KIAA1328: variants seen among roughly 807,000 people sequenced by gnomAD.
KIAA1328 encodes protein hinderin.
A neutral mutation model predicts 68.1 loss-of-function variants in KIAA1328; 52 were observed. That is an observed-to-expected ratio of 0.76 (90% CI 0.61 to 0.96). The LOEUF (loss-of-function observed/expected upper bound fraction) is 0.96, where lower values mean the gene tolerates loss of function less well. Among genes scored for constraint, KIAA1328 ranks in the 40% least tolerant of loss-of-function variants. The pLI, the probability that KIAA1328 is intolerant of heterozygous loss-of-function variation, is 0.00. For missense variants in KIAA1328, 641 were observed against 677.6 expected (o/e 0.95, Z 0.60); for synonymous variants, 232 against 239.4 (o/e 0.97, Z 0.28).
At chr18:36,949,597 T>TCCCCCCCCCC (rs71168248) in intron 5 of KIAA1328, among the ~76,000 whole-genome samples, 92 of 57,324 alleles carry the variant, frequency 1.6e-3, no homozygotes, top group African/African-American at 2.5e-3. Context: ...TCTACCCAGC[T>TCCCCCCCCCC]CCCCCCCCCC....
At chr18:36,891,411 A>G (rs1399213486) in intron 5 of KIAA1328, among the ~76,000 whole-genome samples, 1 of 152,216 alleles carries the variant, frequency 6.6e-6, no homozygotes, top group East Asian at 1.9e-4. Flanking sequence ...TCACTGGAGC[A>G]GTGTACATTG....
At chr18:36,849,513 TA>T (rs1463939658) in intron 4 of KIAA1328, among the ~76,000 whole-genome samples, 3 of 152,060 alleles carry the variant, frequency 2.0e-5, no homozygotes, top group African/African-American at 4.8e-5. Flanking sequence ...ACTGGAATTA[TA>T]GAATATGGGG....
At chr18:37,177,720 A>C (rs910555161) in intron 9 of KIAA1328, among the ~76,000 whole-genome samples, 12 of 150,928 alleles carry the variant, frequency 8.0e-5, no homozygotes, top group African/African-American at 2.9e-4. Flanking sequence ...TGGTGGGGAG[A>C]GGTGTTGATT....
Position 36,994,894 on chromosome 18 carries a change from G to T in KIAA1328, c.576+35459G>T, listed in dbSNP as rs566586444. On this transcript the variant is annotated intron_variant, in intron 6 of 9. Transcript: ENST00000280020. ...AGCAGTTAGCCTACTTGTGAATTAG[G>T]TTTCTGATTTGTTCATGCTAAATCA... is the stretch of plus-strand genomic sequence containing the variant. Among the ~76,000 whole-genome samples, 6 of 151,894 alleles carry T rather than the reference G, an allele frequency of 4.0e-5. No homozygotes were observed. The South Asian group carries it at 8.3e-4, about 21-fold the overall frequency.
intron 7 of KIAA1328, chr18:37,075,660 A>T (rs1372468129): frequency 1.3e-5 from 2 of 152,186 alleles, no homozygotes; most frequent in Non-Finnish European, 2.9e-5. Context: ...AATGGAGAAC[A>T]AAAAAAGGCA....
At chr18:36,974,546 A>G (rs1362389532) in intron 6 of KIAA1328, among the ~76,000 whole-genome samples, 3 of 152,164 alleles carry the variant, frequency 2.0e-5, no homozygotes, top group Non-Finnish European at 4.4e-5. Flanking sequence ...CTAATCATCC[A>G]TTGATAGACA....
chr18:37,218,861 C>T (rs747369450), intron 9 of KIAA1328, among the ~76,000 whole-genome samples: 41 of 152,178 alleles, frequency 2.7e-4, no homozygotes, highest in Admixed American at 6.5e-5. Context: ...CCATTGCTGG[C>T]GAGGAGCTGT....
chr18:37,048,244 A>ATT (rs2151651427), intron 6 of KIAA1328, among the ~76,000 whole-genome samples: 1 of 152,366 alleles, frequency 6.6e-6, no homozygotes, highest in South Asian at 2.1e-4. Flanking sequence ...GGATAACGAC[A>ATT]TTAACTGAAA....
At chr18:36,982,300 A>G (rs1468357645) in intron 6 of KIAA1328, among the ~76,000 whole-genome samples, 1 of 151,130 alleles carries the variant, frequency 6.6e-6, no homozygotes, top group Non-Finnish European at 1.5e-5. Flanking sequence ...CCTCAAACAC[A>G]TGCAGAAGAT....
At chr18:37,198,285 C>T (rs776837852) in intron 9 of KIAA1328, among the ~76,000 whole-genome samples, 3 of 152,114 alleles carry the variant, frequency 2.0e-5, no homozygotes, top group African/African-American at 7.2e-5. Context: ...TCTAAATAAA[C>T]TAAAAATCAC....
At chr18:37,153,497 A>G (rs2059083307) in intron 7 of KIAA1328, among the ~76,000 whole-genome samples, 1 of 152,130 alleles carries the variant, frequency 6.6e-6, no homozygotes, top group Non-Finnish European at 1.5e-5. Flanking sequence ...ATATTAGTAT[A>G]AACTCTGTAT....
chr18:37,088,442 A>G lies in KIAA1328; in HGVS notation c.1232+20897A>G, dbSNP rs2057169360. Among the ~76,000 whole-genome samples, 2 of 152,290 alleles carry G rather than the reference A, an allele frequency of 1.3e-5. 1 individual carries two copies. Among genetic ancestry groups the G allele is most frequent in the South Asian group, 4.1e-4 (2 of 4,826 alleles). On this transcript the variant is annotated intron_variant, in intron 7 of 9. Transcript: ENST00000280020. ...GTAATTTGCAGTCACTCTGTATTCA[A>G]TTAGAATGAGCACTTTTCTATGTTT...
chr18:37,129,177 A>T (rs570129152), intron 7 of KIAA1328, among the ~76,000 whole-genome samples: 4 of 152,122 alleles, frequency 2.6e-5, no homozygotes, highest in South Asian at 2.1e-4. Context: ...CCTCAATATT[A>T]AAAAAAACCC....
At chr18:36,831,279 A>T (rs113180788) in intron 1 of KIAA1328, among the ~76,000 whole-genome samples, 7 of 152,202 alleles carry the variant, frequency 4.6e-5, no homozygotes, top group African/African-American at 1.7e-4. Flanking sequence ...ATGAGAGGAC[A>T]GATCATCTGT....
intron 7 of KIAA1328, among the ~76,000 whole-genome samples, chr18:37,100,928 A>G (rs2057593284): frequency 1.3e-5 from 2 of 152,228 alleles, no homozygotes; most frequent in African/African-American, 4.8e-5. Flanking sequence ...GTGGACCTCT[A>G]GTAAACTCCA....
At chr18:37,177,297 A>G (rs1030595185) in intron 9 of KIAA1328, among the ~76,000 whole-genome samples, 8 of 152,144 alleles carry the variant, frequency 5.3e-5, no homozygotes, top group African/African-American at 1.9e-4. Context: ...CTTTAAAAAT[A>G]TTGGTGGAGT....
intron 4 of KIAA1328, among the ~76,000 whole-genome samples, chr18:36,849,671 T>G (rs2047148249): frequency 6.6e-6 from 1 of 152,102 alleles, no homozygotes; most frequent in African/African-American, 2.4e-5. Context: ...TTAAACTACA[T>G]GAATATTTGA....
intron 6 of KIAA1328, among the ~76,000 whole-genome samples, chr18:36,971,608 G>A (rs1271849065): frequency 2.6e-5 from 4 of 152,016 alleles, no homozygotes; most frequent in Admixed American, 6.6e-5. Flanking sequence ...CACCCTGGAC[G>A]ACAAGAGTAA....
At chr18:37,115,862 C>A (rs991432017) in intron 7 of KIAA1328, among the ~76,000 whole-genome samples, 2 of 152,116 alleles carry the variant, frequency 1.3e-5, no homozygotes, top group African/African-American at 2.4e-5. Context: ...CATTCCTATA[C>A]AGCAATAACA....
Sources: allele counts gnomAD v4.1 joint callset (sites outside exome capture counted in the v4.1 genomes callset), GRCh38; gene constraint gnomAD v4.1.1; transcripts MANE v1.5; gene names NCBI Gene and HGNC (gene_info 2026-07-23, HGNC 2026-07-21).